RALYL: variants seen among roughly 807,000 people sequenced by gnomAD.
The protein encoded by RALYL is RALY RNA binding protein like, also known as RNA-binding Raly-like protein.
A neutral mutation model predicts 35.1 loss-of-function variants in RALYL; 29 were observed. The ratio of observed to expected loss-of-function variants is 0.83; its 90% CI spans 0.61 to 1.13. RALYL has a LOEUF of 1.13. Among genes scored for constraint, RALYL ranks in the 50% most tolerant of loss-of-function variants. The pLI is 0.00. For synonymous variants in RALYL, 120 were observed against 127.6 expected (o/e 0.94, Z 0.40); for missense variants, 359 against 360.4 (o/e 1.00, Z 0.03).
intron 2 of RALYL, among the ~76,000 whole-genome samples, chr8:84,713,157 TC>T (rs1358627461): frequency 6.6e-6 from 1 of 152,150 alleles, no homozygotes; most frequent in African/African-American, 2.4e-5. Flanking sequence ...AGATCAAATT[TC>T]TTTCTTGTTT....
intron 1 of RALYL, among the ~76,000 whole-genome samples, chr8:84,506,059 C>T (rs1423853128): frequency 1.3e-5 from 2 of 151,998 alleles, no homozygotes; most frequent in South Asian, 2.1e-4. Context: ...AAATTGATCA[C>T]GACATTAGAA....
rs557190152 is a variant in RALYL, at chr8:84,447,035, T to G, written c.-23-82264T>G. On this transcript the variant is annotated intron_variant, in intron 1 of 8. Coordinates refer to ENST00000521268, the MANE Select transcript of RALYL (RefSeq NM_173848.7). ...TAATTTCAAAAGCTTAAAATGCAGT[T>G]CAGGAGTTCCCCTTTCCACCCCAGG... Among the ~76,000 whole-genome samples, 6 of 152,204 alleles carry G rather than the reference T, an allele frequency of 3.9e-5. No individual in the cohort carries two copies. In the South Asian group the frequency reaches 1.0e-3, roughly 26 times the overall value.
intron 1 of RALYL, among the ~76,000 whole-genome samples, chr8:84,468,221 G>T (rs2052039109): frequency 6.6e-6 from 1 of 151,880 alleles, no homozygotes; most frequent in Non-Finnish European, 1.5e-5. Context: ...GTTAGTTGAT[G>T]CAGTTTCTTC....
At chr8:84,805,756 A>G (rs1824441966) in intron 4 of RALYL, among the ~76,000 whole-genome samples, 1 of 152,238 alleles carries the variant, frequency 6.6e-6, no homozygotes, top group South Asian at 2.1e-4. Flanking sequence ...TTCTATTTTT[A>G]GGCATTTCAA....
intron 2 of RALYL, among the ~76,000 whole-genome samples, chr8:84,746,312 G>T (rs1216429784): frequency 6.6e-6 from 1 of 151,902 alleles, no homozygotes; most frequent in Non-Finnish European, 1.5e-5. Context: ...CATTTTATAT[G>T]ATACTTAAAA....
chr8:84,737,995 C>T (rs1054008567), intron 2 of RALYL, among the ~76,000 whole-genome samples: 1 of 151,984 alleles, frequency 6.6e-6, no homozygotes, highest in Admixed American at 6.6e-5. Context: ...AGACCAAGAC[C>T]ATGTCAGACA....
chr8:84,502,166 C>G (rs925904271), intron 1 of RALYL, among the ~76,000 whole-genome samples: 2 of 151,804 alleles, frequency 1.3e-5, no homozygotes, highest in East Asian at 1.9e-4. Context: ...GAAGAATAAA[C>G]GTTTACACAG....
intron 2 of RALYL, among the ~76,000 whole-genome samples, chr8:84,639,817 G>A (rs1282760392): frequency 6.6e-6 from 1 of 151,986 alleles, no homozygotes; most frequent in Non-Finnish European, 1.5e-5. Context: ...AGGTGGGAAG[G>A]CACTCATTAA....
At chr8:84,906,479 A>G (rs1846510952) in intron 8 of RALYL, among the ~76,000 whole-genome samples, 1 of 152,168 alleles carries the variant, frequency 6.6e-6, no homozygotes, top group East Asian at 1.9e-4. Flanking sequence ...CTCAAGCTAC[A>G]CTGAATCTAA....
intron 2 of RALYL, among the ~76,000 whole-genome samples, chr8:84,735,197 A>G (rs1847020560): frequency 6.6e-6 from 1 of 151,878 alleles, no homozygotes; most frequent in Admixed American, 6.6e-5. Context: ...AGCAGACTAG[A>G]TAATGAATTC....
rs74966559 is a variant in RALYL at position 84,757,389 on chromosome 8, C to A, written c.257-17190C>A. Among the ~76,000 whole-genome samples the A allele has an allele frequency of 1.8e-3, 273 of 152,214 alleles. 8 individuals carry two copies. The East Asian group carries it at 0.048, about 27-fold the overall frequency. On this transcript the variant is annotated intron_variant, in intron 2 of 8. Coordinates refer to ENST00000521268, the MANE Select transcript of RALYL (RefSeq NM_173848.7). ...TATACAAGTACAGTTTTTCCTGTTG[C>A]AACATTTCGGTACAGACATTCATTC...
chr8:84,341,761 T>C (rs1489065780), intron 1 of RALYL, among the ~76,000 whole-genome samples: 1 of 151,984 alleles, frequency 6.6e-6, no homozygotes, highest in Non-Finnish European at 1.5e-5. Flanking sequence ...AAAATATCAA[T>C]GTGAACCAGC....
chr8:84,520,548 C>A (rs1260794059), intron 1 of RALYL, among the ~76,000 whole-genome samples: 1 of 152,058 alleles, frequency 6.6e-6, no homozygotes, highest in Non-Finnish European at 1.5e-5. Flanking sequence ...AGATAGGGGT[C>A]CCTAATCCCT....
At chr8:84,344,082 G>T (rs572105859) in intron 1 of RALYL, among the ~76,000 whole-genome samples, 3 of 151,778 alleles carry the variant, frequency 2.0e-5, no homozygotes, top group Non-Finnish European at 4.4e-5. Flanking sequence ...GCAATCTTGC[G>T]CAACAGGAAT....
intron 7 of RALYL, among the ~76,000 whole-genome samples, chr8:84,881,821 AATTGGTT>A (rs1318102200): frequency 6.6e-6 from 1 of 151,914 alleles, no homozygotes; most frequent in Non-Finnish European, 1.5e-5. Context: ...TTGAACTTAA[AATTGGTT>A]ATTGAAGAGA....
chr8:84,535,517 G>T (rs2059541785), intron 2 of RALYL, among the ~76,000 whole-genome samples: 1 of 150,528 alleles, frequency 6.6e-6, no homozygotes, highest in Non-Finnish European at 1.5e-5. Context: ...CTCACTGCAA[G>T]CTCCGCCTCC....
intron 3 of RALYL, among the ~76,000 whole-genome samples, chr8:84,796,278 T>C (rs564889741): frequency 1.3e-5 from 2 of 152,330 alleles, no homozygotes; most frequent in South Asian, 4.1e-4. Flanking sequence ...CTAGGCATCT[T>C]GGCCCAGGCC....
intron 8 of RALYL, among the ~76,000 whole-genome samples, chr8:84,898,012 T>A (rs1845038308): frequency 1.3e-5 from 2 of 151,946 alleles, no homozygotes; most frequent in African/African-American, 2.4e-5. Context: ...AATGAAAAAA[T>A]GTATGCAAAG....
chr8:84,916,046 A>G (rs910210933), intron 8 of RALYL, among the ~76,000 whole-genome samples: 1 of 152,140 alleles, frequency 6.6e-6, no homozygotes, highest in Non-Finnish European at 1.5e-5. Context: ...TGGTATGCTA[A>G]GATGTTTTAT....
Sources: gnomAD v4.1 joint callset for allele counts (sites outside exome capture counted in the v4.1 genomes callset) on GRCh38, gnomAD v4.1.1 for gene constraint, MANE v1.5 for transcripts, NCBI Gene and HGNC (gene_info 2026-07-23, HGNC 2026-07-21) for gene names.